ZNF69: variants seen among roughly 807,000 people sequenced by gnomAD.
The protein encoded by ZNF69 is ZNF3.
A neutral mutation model predicts 50.9 loss-of-function variants in ZNF69; 47 were observed. The ratio of observed to expected loss-of-function variants is 0.92; its 90% confidence interval spans 0.73 to 1.18. The LOEUF (loss-of-function observed/expected upper bound fraction) is 1.18. Ranked by LOEUF, ZNF69 falls within the 50% of genes most tolerant of loss-of-function variation. The pLI is 0.00. For missense variants in ZNF69, 717 were observed against 675.1 expected, an observed-to-expected ratio of 1.06 and a Z score of -0.69; for synonymous variants, 216 against 223.1, an observed-to-expected ratio of 0.97 and a Z score of 0.29.
intron 1 of ZNF69, among the ~76,000 whole-genome samples, 167 bp downstream of exon 1, chr19:11,888,153 G>A (rs1386285865): frequency 1.3e-5 from 2 of 152,216 alleles, no homozygotes; most frequent in Non-Finnish European, 2.9e-5. Context: ...GGTGTGGCTG[G>A]GCCGGTAGCC....
rs1191219485 is a variant in ZNF69 at position 11,888,003 on chromosome 19, G to T, written c.63+17G>T. 16 of 1,609,954 alleles carry T rather than the reference G, an allele frequency of 9.9e-6. No individual in the cohort carries two copies. The highest frequency in any genetic ancestry group is 1.3e-5 in the Non-Finnish European group (15 of 1,177,350). On this transcript the variant is annotated intron_variant, in intron 1 of 3. Transcript: ENST00000429654. ...CAGGAAATGGTGCGTGTCTGGGGCC[G>T]GGTGTCGTGAGACGGGGGAGGGGCT... is the stretch of plus-strand genomic sequence containing the variant.
the ZNF69 span, among the ~76,000 whole-genome samples, chr19:11,952,587 AC>A: frequency 9.8e-5 from 15 of 152,330 alleles, no homozygotes; most frequent in African/African-American, 3.6e-4. Context: ...CTCTTCAGAA[AC>A]CCTTATTTAA....
the ZNF69 span, among the ~76,000 whole-genome samples, chr19:11,958,535 G>A: frequency 6.6e-6 from 1 of 152,242 alleles, no homozygotes; most frequent in East Asian, 1.9e-4. Flanking sequence ...CTCACAGTGA[G>A]CGAGTGGTCT....
chr19:11,895,013 G>A (rs914209358), intron 1 of ZNF69, among the ~76,000 whole-genome samples: 2 of 152,226 alleles, frequency 1.3e-5, no homozygotes, highest in African/African-American at 4.8e-5. Flanking sequence ...TCGGTGAGCA[G>A]GATGGGGGTG....
At chr19:11,971,970 G>C in the ZNF69 span, among the ~76,000 whole-genome samples, 8 of 151,690 alleles carry the variant, frequency 5.3e-5, no homozygotes, top group Non-Finnish European at 8.8e-5. Flanking sequence ...GATGAGGCAG[G>C]AGAATCGCTT....
chr19:11,952,163 G>T, the ZNF69 span, among the ~76,000 whole-genome samples: 2 of 151,280 alleles, frequency 1.3e-5, no homozygotes, highest in East Asian at 1.9e-4. Context: ...TGGGCAACAA[G>T]AGTGAAACTC....
chr19:11,978,327 G>C, the ZNF69 span: 33 of 1,614,094 alleles, frequency 2.0e-5, no homozygotes, highest in African/African-American at 3.6e-4. Context: ...CAAGGCATAC[G>C]AGTATCAGGA....
the ZNF69 span, chr19:11,946,940 A>G: frequency 1.4e-6 from 1 of 713,470 alleles, no homozygotes; most frequent in Non-Finnish European, 2.0e-6. Context: ...GTGAGCCAAT[A>G]TCACGCCATT....
the ZNF69 span, chr19:11,977,441 A>C: frequency 1.9e-6 from 3 of 1,613,660 alleles, no homozygotes; most frequent in African/African-American, 2.7e-5. Flanking sequence ...GGTAATTGGC[A>C]CTTAAAGAGA....
intron 1 of ZNF69, among the ~76,000 whole-genome samples, chr19:11,900,690 A>T (rs923156798): frequency 1.3e-5 from 2 of 151,996 alleles, no homozygotes; most frequent in Non-Finnish European, 2.9e-5. Context: ...TTTCTTACAG[A>T]ATTTTAGGAG....
chr19:11,916,483 C>T (rs1387347859), downstream of ZNF69, among the ~76,000 whole-genome samples: 1 of 152,176 alleles, frequency 6.6e-6, no homozygotes, highest in Non-Finnish European at 1.5e-5. Flanking sequence ...GGTGTGGTGG[C>T]ACACACCTGT....
In ZNF69 at chr19:11,905,892, A is replaced by T; in HGVS notation, c.1495A>T (p.Thr499Ser). 1 of 1,613,642 alleles carries T rather than the reference A, an allele frequency of 6.2e-7. No homozygotes were observed. The highest frequency in any genetic ancestry group is 8.5e-7 in the Non-Finnish European group (1 of 1,179,938). The change falls in exon 4 of 4, where the codon ACT becomes TCT. Residue 499 changes from threonine to serine, a missense_variant. Transcript: ENST00000429654. ...CAAATCATTGCAAAGACATGAAAAA[A>T]CTCACACTGGAGAGAAACTCTATGA... is the stretch of plus-strand genomic sequence containing the variant. ...CPKSLQRHEK[T>S]HTGEKLYECK...
At chr19:11,965,775 C>G in the ZNF69 span, among the ~76,000 whole-genome samples, 24 of 152,244 alleles carry the variant, frequency 1.6e-4, no homozygotes, top group African/African-American at 7.2e-5. Context: ...AAACACAACC[C>G]CAAGAAGCCT....
intron 1 of ZNF69, among the ~76,000 whole-genome samples, chr19:11,897,871 C>CAAAAA (rs564395635): frequency 9.5e-5 from 6 of 63,154 alleles, no homozygotes; most frequent in African/African-American, 1.1e-4. Flanking sequence ...GACTCCATCT[C>CAAAAA]AAAAAAAAAA....
At chr19:11,935,851 C>A in the ZNF69 span, among the ~76,000 whole-genome samples, 1 of 152,188 alleles carries the variant, frequency 6.6e-6, no homozygotes, top group East Asian at 1.9e-4. Flanking sequence ...AGGCTATCCT[C>A]CTCCCAGCCC....
At chr19:11,962,922 T>C in the ZNF69 span, among the ~76,000 whole-genome samples, 10 of 152,254 alleles carry the variant, frequency 6.6e-5, no homozygotes, top group African/African-American at 2.2e-4. Context: ...GCTTTTTCCA[T>C]TGACTGCAAG....
downstream of ZNF69, among the ~76,000 whole-genome samples, chr19:11,914,676 G>C (rs1324484968): frequency 1.3e-5 from 2 of 152,138 alleles, no homozygotes; most frequent in African/African-American, 4.8e-5. Flanking sequence ...CAACGGCTTA[G>C]AACAATTCAG....
intron 1 of ZNF69, among the ~76,000 whole-genome samples, chr19:11,892,240 A>G (rs1196650649): frequency 6.6e-6 from 1 of 151,584 alleles, no homozygotes; most frequent in Non-Finnish European, 1.5e-5. Flanking sequence ...TTGGCCTCCA[A>G]AAGTGCTGCG....
downstream of ZNF69, among the ~76,000 whole-genome samples, chr19:11,918,577 G>A (rs776339226): frequency 4.9e-4 from 75 of 152,090 alleles, no homozygotes; most frequent in Middle Eastern, 0.017. Context: ...TCAAGCTCCT[G>A]GGCTTGAGCA....
Sources: allele counts gnomAD v4.1 joint callset (sites outside exome capture counted in the v4.1 genomes callset), GRCh38; gene constraint gnomAD v4.1.1; transcripts MANE v1.5; gene names NCBI Gene and HGNC (gene_info 2026-07-23, HGNC 2026-07-21).